The following LIMCH1 variants were observed in gnomAD, a reference collection of about 807,000 sequenced individuals.
LIMCH1 encodes the protein LIM and calponin homology domains-containing protein 1.
In LIMCH1, 113 loss-of-function variants were observed where a neutral mutation model predicts 176.5. That is an observed-to-expected ratio of 0.64 (90% CI 0.55 to 0.75). LIMCH1 has a LOEUF of 0.75. Ranked by LOEUF, LIMCH1 falls within the 30% of genes least tolerant of loss-of-function variation. The pLI, the probability that LIMCH1 is intolerant of heterozygous loss-of-function variation, is 0.00. For synonymous variants in LIMCH1, 619 were observed against 645.9 expected (o/e 0.96, Z 0.63); for missense variants, 1,674 against 1,814.9 (o/e 0.92, Z 1.41).
At chr4:41,429,309 C>T (rs565417385) in intron 1 of LIMCH1, among the ~76,000 whole-genome samples, 2 of 151,954 alleles carry the variant, frequency 1.3e-5, no homozygotes, top group Non-Finnish European at 2.9e-5. Flanking sequence ...GCTTCTAGTG[C>T]TCTGACCCAT....
In LIMCH1 at chr4:41,654,022, C is replaced by T. The variant is rs548507842; in HGVS notation, c.3036+3414C>T. Among the ~76,000 whole-genome samples the T allele has an allele frequency of 3.3e-4, 51 of 152,294 alleles. No individual in the cohort carries two copies. The South Asian group carries it at 8.1e-3, about 24-fold the overall frequency. ...GGTAAATATGAATTAAGGACCTACCCTATTACCTGTTTTTTGAAATAGAAG... is the reference window on the plus strand; with the variant it reads ...GGTAAATATGAATTAAGGACCTACCTTATTACCTGTTTTTTGAAATAGAAG... On this transcript the variant is annotated intron_variant, in intron 18 of 31. Coordinates refer to ENST00000503057, the MANE Select transcript of LIMCH1 (RefSeq NM_001330672.2).
intron 1 of LIMCH1, among the ~76,000 whole-genome samples, chr4:41,488,591 T>A (rs781235669): frequency 6.6e-6 from 1 of 152,186 alleles, no homozygotes; most frequent in Non-Finnish European, 1.5e-5. Flanking sequence ...TAAACTTTGG[T>A]TTATAAGGAA....
chr4:41,462,795 T>A lies in LIMCH1; in HGVS notation c.97-31741T>A, dbSNP rs1054596192. On this transcript the variant is annotated intron_variant, in intron 1 of 26. Coordinates refer to the LIMCH1 transcript ENST00000313860. ...ATAAAAGAGGAAAAGTCTGTTTGGC[T>A]TTTTTTCCCCCAAAAGTAACACAGC... Among the ~76,000 whole-genome samples the A allele has an allele frequency of 3.2e-4, 49 of 152,140 alleles. 1 individual carries two copies. Among genetic ancestry groups the A allele is most frequent in the Admixed American group, 8.5e-4 (13 of 15,270 alleles).
intron 20 of LIMCH1, among the ~76,000 whole-genome samples, chr4:41,665,406 G>A (rs1307801758): frequency 2.6e-5 from 4 of 152,202 alleles, no homozygotes; most frequent in East Asian, 3.8e-4. Context: ...TAGCACCAAC[G>A]TTCATTTGGA....
intron 1 of LIMCH1, among the ~76,000 whole-genome samples, chr4:41,476,117 A>G (rs1204235762): frequency 6.6e-6 from 1 of 152,146 alleles, no homozygotes; most frequent in Non-Finnish European, 1.5e-5. Flanking sequence ...GATTCCAGAC[A>G]TGAGCTCTCA....
intron 1 of LIMCH1, among the ~76,000 whole-genome samples, chr4:41,558,175 T>G (rs2081547784): frequency 6.6e-6 from 1 of 152,100 alleles, no homozygotes; most frequent in Non-Finnish European, 1.5e-5. Flanking sequence ...TTATGTCACT[T>G]TGACACTTTG....
intron 29 of LIMCH1, among the ~76,000 whole-genome samples, chr4:41,688,584 T>A (rs1722818537): frequency 6.6e-6 from 1 of 152,234 alleles, no homozygotes; most frequent in Admixed American, 6.5e-5. Flanking sequence ...GGTTTTCAAA[T>A]GATATTGCAT....
chr4:41,655,945 GC>G (rs1402958210), intron 18 of LIMCH1, among the ~76,000 whole-genome samples: 28 of 151,930 alleles, frequency 1.8e-4, no homozygotes, highest in African/African-American at 6.5e-4. Flanking sequence ...TCCTTTCCAT[GC>G]CTGTTCATCA....
chr4:41,502,907 TCACACACACACA>T (rs71650929), intron 2 of LIMCH1, among the ~76,000 whole-genome samples: 1 of 142,124 alleles, frequency 7.0e-6, no homozygotes, highest in African/African-American at 2.6e-5. Flanking sequence ...CGGAGGTAAA[TCACACACACACA>T]CACACACACA....
At chr4:41,675,821 T>G (rs1287740853) in intron 22 of LIMCH1, among the ~76,000 whole-genome samples, 1 of 152,212 alleles carries the variant, frequency 6.6e-6, no homozygotes. Context: ...CTTGAGTGTT[T>G]GTGTCATGCG....
intron 17 of LIMCH1, among the ~76,000 whole-genome samples, chr4:41,648,495 G>T (rs142248913): frequency 6.6e-6 from 1 of 152,246 alleles, no homozygotes; most frequent in African/African-American, 2.4e-5. Flanking sequence ...ACTAGTGGGG[G>T]TCCCCTGCCT....
chr4:41,658,523 G>A (rs1447237373), intron 18 of LIMCH1, among the ~76,000 whole-genome samples: 2 of 152,158 alleles, frequency 1.3e-5, no homozygotes, highest in Admixed American at 1.3e-4. Context: ...AGTAGTTAGT[G>A]CTTGAGCACC....
intron 2 of LIMCH1, among the ~76,000 whole-genome samples, chr4:41,508,418 G>A (rs998653368): frequency 2.0e-5 from 3 of 152,178 alleles, no homozygotes; most frequent in African/African-American, 7.2e-5. Flanking sequence ...GGATGAGTTC[G>A]GGATATGGAC....
chr4:41,686,868 TTGTC>T (rs1288758318), intron 28 of LIMCH1, among the ~76,000 whole-genome samples: 4 of 152,340 alleles, frequency 2.6e-5, no homozygotes, highest in Non-Finnish European at 4.4e-5. Context: ...TCATTTCTAT[TTGTC>T]TGTATGACAC....
chr4:41,360,026 G>GGTGTGTGTGTGT (rs35179191), upstream of LIMCH1, among the ~76,000 whole-genome samples: 1,643 of 145,846 alleles, frequency 0.011, 10 homozygotes, highest in African/African-American at 0.022. The surrounding 1 kb of genome is among the most constrained non-coding windows in gnomAD (Gnocchi z 4.5). Flanking sequence ...GGGTGTGTAG[G>GGTGTGTGTGTGT]GTGTGTGTGT....
chr4:41,415,567 G>A (rs1034441610), intron 1 of LIMCH1, among the ~76,000 whole-genome samples: 3 of 152,140 alleles, frequency 2.0e-5, no homozygotes, highest in Non-Finnish European at 4.4e-5. Flanking sequence ...TACAGCTGTC[G>A]TCTGCTTTAG....
chr4:41,563,942 T>C (rs1333757844), intron 1 of LIMCH1, among the ~76,000 whole-genome samples: 2 of 152,196 alleles, frequency 1.3e-5, no homozygotes, highest in Non-Finnish European at 2.9e-5. Context: ...TTAGCAGTCC[T>C]CTTCTCTCCA....
intron 1 of LIMCH1, among the ~76,000 whole-genome samples, chr4:41,560,836 T>G (rs1384972161): frequency 1.3e-5 from 2 of 151,970 alleles, no homozygotes; most frequent in Non-Finnish European, 2.9e-5. Context: ...CTGGGCAACA[T>G]GGTGAAACCC....
At chr4:41,523,017 A>C (rs889432385) in intron 2 of LIMCH1, among the ~76,000 whole-genome samples, 1 of 152,210 alleles carries the variant, frequency 6.6e-6, no homozygotes, top group African/African-American at 2.4e-5. Flanking sequence ...AGTGAAAATT[A>C]CCGAGAACAG....
Sources: gnomAD v4.1 joint callset for allele counts (sites outside exome capture counted in the v4.1 genomes callset) on GRCh38, gnomAD v4.1.1 for gene constraint, Gnocchi (gnomAD v3.1) non-coding constraint, MANE v1.5 for transcripts, NCBI Gene and HGNC (gene_info 2026-07-23, HGNC 2026-07-21) for gene names.